The following PEAR1 variants were observed in gnomAD, a reference collection of about 807,000 sequenced individuals.
PEAR1 encodes the protein multiple EGF-like domains protein 12.
PEAR1 carries 113 observed loss-of-function variants against 131.2 expected under a neutral mutation model. That is an observed-to-expected ratio of 0.86 (90% CI 0.74 to 1.01). PEAR1 has a LOEUF of 1.01. Ranked by LOEUF, PEAR1 falls within the 50% of genes least tolerant of loss-of-function variation. The pLI is 0.00. For synonymous variants in PEAR1, 565 were observed against 523.3 expected (o/e 1.08, Z -1.09); for missense variants, 1,408 against 1,391.1 (o/e 1.01, Z -0.19).
rs1222179346 is a variant in PEAR1, at chr1:156,905,402, T to C, written c.285T>C (p.Tyr95=). 4 of 1,607,266 alleles carry C rather than the reference T, an allele frequency of 2.5e-6. No homozygotes were observed. The highest frequency in any genetic ancestry group is 1.7e-5 in the Admixed American group (1 of 59,252). The change falls in exon 4 of 23, where the codon TAT becomes TAC. Residue 95 remains tyrosine, a synonymous_variant. Coordinates refer to ENST00000292357, the MANE Select transcript of PEAR1 (RefSeq NM_001080471.3). ...RQRLQCCHGF[Y]ESRGFCVPLC... ...GCCTGCAGTGCTGCCATGGCTTCTA[T>C]GAGAGCAGGGGGTTCTGTGTCCGTG...
intron 3 of PEAR1, 187 bp downstream of exon 3, chr1:156,905,039 T>C (rs1650087856): frequency 6.5e-7 from 1 of 1,532,036 alleles, no homozygotes; most frequent in African/African-American, 1.4e-5. Context: ...CGTGTATGTG[T>C]GTTTAGGGTA....
chr1:156,914,136 G>C, intron 22 of PEAR1, 36 bp downstream of exon 22: 1 of 1,530,738 alleles, frequency 6.5e-7, no homozygotes, highest in Non-Finnish European at 8.8e-7. Context: ...GAGCAGCAGA[G>C]AACTGGGACA....
At position 156,912,281 on chromosome 1, in the gene PEAR1, C is replaced by A. The variant is rs1415073435; in HGVS notation, c.1986C>A (p.Ala662=). 1 of 1,613,862 alleles carries A rather than the reference C, an allele frequency of 6.2e-7. No homozygotes were observed. The highest frequency in any genetic ancestry group is 1.3e-5 in the African/African-American group (1 of 74,998). ...CPPGHWGENC[A]QTCQCHHGGT... Reference sequence around the variant, plus strand: ...CAGGACACTGGGGAGAAAACTGTGCCCAGACCTGCCAATGTCACCATGGTG... The same window carrying A: ...CAGGACACTGGGGAGAAAACTGTGCACAGACCTGCCAATGTCACCATGGTG... The change falls in exon 16 of 23, where the codon GCC becomes GCA. Residue 662 remains alanine, a synonymous_variant. Coordinates refer to ENST00000292357, the MANE Select transcript of PEAR1 (RefSeq NM_001080471.3).
At chr1:156,900,545 G>C (rs1292349795) in intron 1 of PEAR1, among the ~76,000 whole-genome samples, 3 of 152,120 alleles carry the variant, frequency 2.0e-5, no homozygotes, top group Admixed American at 6.6e-5. Context: ...CCTCATCTCT[G>C]AAGTGGGCCA....
chr1:156,909,813 G>A lies in PEAR1; in HGVS notation c.1474G>A (p.Ala492Thr), dbSNP rs1422540640. The change falls in exon 12 of 23, where the codon GCC becomes ACC. Residue 492 changes from alanine to threonine, a missense_variant. Transcript: ENST00000292357. ...PPGTWGFSCN[A>T]SCQCAHEAVC... ...CGGAACCTGGGGCTTCAGTTGCAAT[G>A]CCAGCTGCCAGTGTGCCCATGAGGC... The A allele has an allele frequency of 3.1e-6, 5 of 1,613,836 alleles. No homozygotes were observed. The highest frequency in any genetic ancestry group is 3.4e-6 in the Non-Finnish European group (4 of 1,179,880).
In PEAR1 at chr1:156,912,394, C is replaced by T. The variant is rs746264366; in HGVS notation, c.2080+19C>T. The stretch of plus-strand genomic sequence containing the variant: ...TTAGAAGGTACCAACAGAAGGGGAA[C>T]TCCAGGCCCCTGCCTCCAACTTAAC... On this transcript the variant is annotated intron_variant, in intron 16 of 22. Transcript: ENST00000292357. The T allele has an allele frequency of 5.6e-6, 9 of 1,608,676 alleles. No homozygotes were observed. The highest frequency in any genetic ancestry group is 7.6e-6 in the Non-Finnish European group (9 of 1,177,688).
chr1:156,906,154 G>C (rs184937210), intron 4 of PEAR1, 122 bp from the exon 5 acceptor site: 7 of 807,798 alleles, frequency 8.7e-6, no homozygotes, highest in Non-Finnish European at 1.4e-5. Flanking sequence ...CTTAGAGGCA[G>C]AATTGGGGCT....
At chr1:156,911,908 A>T (rs967303834) in intron 15 of PEAR1, among the ~76,000 whole-genome samples, 2 of 152,196 alleles carry the variant, frequency 1.3e-5, no homozygotes, top group Non-Finnish European at 1.5e-5. Flanking sequence ...AACAGGACAG[A>T]TGTTTACTTC....
chr1:156,906,508 C>T, intron 5 of PEAR1, 129 bp from the exon 6 acceptor site: 1 of 1,540,034 alleles, frequency 6.5e-7, no homozygotes, highest in Non-Finnish European at 8.8e-7. Flanking sequence ...TGCCATCTGC[C>T]TTTTCTGGAG....
Position 156,913,265 on chromosome 1 carries a change from C to A in PEAR1, c.2494C>A (p.Pro832Thr), listed in dbSNP as rs772106931. Residue 832 changes from proline to threonine, a missense_variant, in exon 19 of 23, where the codon CCC (proline) becomes ACC (threonine). Transcript: ENST00000292357. ...YHTLSQCSPNPPPPNKVPGPL... is the reference protein window; with the variant it reads ...YHTLSQCSPNTPPPNKVPGPL... ...CACCCTGTCGCAGTGCTCCCCAAAC[C>A]CCCCACCCCCTAACAAGGTCAGTGC... 6 of 1,608,174 alleles carry A rather than the reference C, an allele frequency of 3.7e-6. No homozygotes were observed. The South Asian group carries it at 5.6e-5, about 15-fold the overall frequency.
At position 156,908,244 on chromosome 1, in the gene PEAR1, T is replaced by G. The variant is rs1650599039; in HGVS notation, c.1019T>G (p.Phe340Cys). ...ANGACLCEHG[F>C]TGDRCTDRLC... ...GGCGCATGTCTGTGCGAACACGGCT[T>G]CACTGGGGACCGCTGCACGGATCGC... The change falls in exon 9 of 23, where the codon TTC becomes TGC. Residue 340 changes from phenylalanine (F) to cysteine (C), a missense_variant. Physicochemically the swap from Phe to Cys is radical, Grantham distance 205. Coordinates refer to ENST00000292357, the MANE Select transcript of PEAR1 (RefSeq NM_001080471.3). The surrounding 1 kb of genome is among the most constrained non-coding windows in gnomAD (Gnocchi z 4.2). The G allele has an allele frequency of 6.3e-7, 1 of 1,599,822 alleles. No individual in the cohort carries two copies. Among genetic ancestry groups the G allele is most frequent in the East Asian group, 2.2e-5 (1 of 44,580 alleles).
Position 156,910,469 on chromosome 1 carries a change from G to T in PEAR1, c.1825+89G>T, listed in dbSNP as rs1275938110. The T allele has an allele frequency of 3.9e-6, 6 of 1,539,240 alleles. No individual in the cohort carries two copies. In the East Asian group the frequency reaches 1.4e-4, roughly 35 times the overall value. On this transcript the variant is annotated intron_variant, in intron 14 of 22. Coordinates refer to ENST00000292357, the MANE Select transcript of PEAR1 (RefSeq NM_001080471.3). ...GAGCACCCCTCCCCCCGCGCCCGCC[G>T]CCCACCTCTCCCACCTTACCCCCGG...
In PEAR1 at chr1:156,904,688, C is replaced by T. The variant is rs368684788; in HGVS notation, c.102-60C>T. On this transcript the variant is annotated intron_variant, in intron 2 of 22. Coordinates refer to ENST00000292357, the MANE Select transcript of PEAR1 (RefSeq NM_001080471.3). Reference sequence around the variant, plus strand: ...GGCCAAGCCCTCATGGCCATTTTCCCGTTGTGGCCGCTCAGGCCTCCTCCT... The same window carrying T: ...GGCCAAGCCCTCATGGCCATTTTCCTGTTGTGGCCGCTCAGGCCTCCTCCT... The T allele has an allele frequency of 8.4e-5, 126 of 1,503,546 alleles. 1 individual carries two copies. In the African/African-American group the frequency reaches 8.9e-4, roughly 11 times the overall value. The allele number at this position is 1,503,546 out of a possible 1,614,324, so 93.1% of individuals were successfully genotyped here.
chr1:156,909,657 C>A (rs1558139724), intron 11 of PEAR1, 94 bp from the exon 12 acceptor site: 2 of 1,409,334 alleles, frequency 1.4e-6, no homozygotes, highest in Non-Finnish European at 1.9e-6. Flanking sequence ...CACCCCAGCT[C>A]ATAGCATAGA....
rs2101561598 is a variant in PEAR1 at position 156,914,919 on chromosome 1, A to G, written c.*121A>G. 2.7e-6 allele frequency: 3 copies of G among 1,103,482 alleles called. No homozygotes were observed. The East Asian group carries it at 8.2e-5, about 30-fold the overall frequency. The allele number at this position is 1,103,482 out of a possible 1,614,324, so 68.4% of individuals were successfully genotyped here. A position where few individuals can be genotyped will look rare whatever the true frequency, so the allele number is the denominator to read the frequency against. On this transcript the variant is annotated 3_prime_UTR_variant, in exon 23 of 23. Transcript: ENST00000292357. ...GGACCGGCAGGCTGTGAACATGAAC[A>G]ACGCTTAACAGAGCAAGTGATGGGA...
In PEAR1 at chr1:156,912,561, C is replaced by T. The variant is rs2101541741; in HGVS notation, c.2148C>T (p.Cys716=). ...QPCQCGPGEK[C]HPETGACVCP... ...GCCAGTGTGGTCCTGGAGAAAAGTG[C>T]CACCCAGAGACTGGGGCCTGTGTAT... is the stretch of plus-strand genomic sequence containing the variant. Residue 716 remains cysteine, a synonymous_variant, in exon 17 of 23, where the codon TGC becomes TGT. Coordinates refer to ENST00000292357, the MANE Select transcript of PEAR1 (RefSeq NM_001080471.3). 1 of 1,614,036 alleles carries T rather than the reference C, an allele frequency of 6.2e-7. No individual in the cohort carries two copies. The highest frequency in any genetic ancestry group is 1.1e-5 in the South Asian group (1 of 91,080).
chr1:156,913,797 TG>T, intron 21 of PEAR1, 37 bp downstream of exon 21: 1 of 1,612,178 alleles, frequency 6.2e-7, no homozygotes, highest in Non-Finnish European at 8.5e-7. Flanking sequence ...GTGGCTGAGC[TG>T]GGGCTGAGGA....
chr1:156,905,381 G>A lies in PEAR1; in HGVS notation c.264G>A (p.Leu88=), dbSNP rs1341546129. 6.2e-7 allele frequency: 1 copy of A among 1,610,996 alleles called. No homozygotes were observed. Among genetic ancestry groups the A allele is most frequent in the Middle Eastern group, 1.7e-4 (1 of 6,042 alleles). ...TGAAGACGGACCACCGCCAGCGCCT[G>A]CAGTGCTGCCATGGCTTCTATGAGA... is the stretch of plus-strand genomic sequence containing the variant. ...QVVKTDHRQR[L]QCCHGFYESR... is the part of the protein sequence containing the mutation. The change falls in exon 4 of 23, where the codon CTG becomes CTA. Residue 88 remains leucine, a synonymous_variant. Coordinates refer to ENST00000292357, the MANE Select transcript of PEAR1 (RefSeq NM_001080471.3).
Position 156,908,833 on chromosome 1 carries a change from A to G in PEAR1, c.1290+4A>G. The G allele has an allele frequency of 6.3e-7, 1 of 1,578,046 alleles. No individual in the cohort carries two copies. The highest frequency in any genetic ancestry group is 8.6e-7 in the Non-Finnish European group (1 of 1,162,384). On this transcript the variant is annotated splice_donor_region_variant and intron_variant, in intron 10 of 22. Transcript: ENST00000292357. The surrounding 1 kb of genome is among the most constrained non-coding windows in gnomAD (Gnocchi z 4.2). ...TCAGTGCGCGCCGGGTTACACGGTG[A>G]GGCGCGCCCGGCTGCAAGGAAGCGA...
Sources: gnomAD v4.1 joint callset for allele counts (sites outside exome capture counted in the v4.1 genomes callset) on GRCh38, gnomAD v4.1.1 for gene constraint, Gnocchi (gnomAD v3.1) non-coding constraint, MANE v1.5 for transcripts, NCBI Gene and HGNC (gene_info 2026-07-23, HGNC 2026-07-21) for gene names.